PPP2R5C: variants seen among roughly 807,000 people sequenced by gnomAD.
PPP2R5C encodes serine/threonine-protein phosphatase 2A 56 kDa regulatory subunit gamma isoform.
A neutral mutation model predicts 68.9 loss-of-function variants in PPP2R5C; 7 were observed. That is an observed-to-expected ratio of 0.10 (90% confidence interval 0.06 to 0.19). The LOEUF (loss-of-function observed/expected upper bound fraction) is 0.19, where lower values mean the gene tolerates loss of function less well. Ranked by LOEUF, PPP2R5C falls within the 10% of genes least tolerant of loss-of-function variation. PPP2R5C has a pLI of 1.00. For missense variants in PPP2R5C, 348 were observed against 641.3 expected (o/e 0.54, Z 4.94); for synonymous variants, 210 against 222.2 (o/e 0.95, Z 0.49).
chr14:101,852,316 T>C (rs1476715072), intron 1 of PPP2R5C, among the ~76,000 whole-genome samples: 2 of 152,180 alleles, frequency 1.3e-5, no homozygotes, highest in African/African-American at 4.8e-5. Context: ...GGAGCATGTA[T>C]AAAGCTAGAC....
At chr14:101,761,517 TA>T (rs1167047920), upstream of PPP2R5C, among the ~76,000 whole-genome samples, 1 of 134,372 alleles carries the variant, frequency 7.4e-6, no homozygotes, top group Admixed American at 7.3e-5. Flanking sequence ...CGGGGAGCGT[TA>T]GGGTACGTGG....
intron 1 of PPP2R5C, among the ~76,000 whole-genome samples, chr14:101,833,263 G>A (rs906550219): frequency 3.3e-5 from 5 of 152,248 alleles, no homozygotes; most frequent in African/African-American, 9.6e-5. Flanking sequence ...GAGGTCACTG[G>A]TGCTGCTGTT....
chr14:101,890,764 CTTTTT>C (rs368348255), intron 6 of PPP2R5C, among the ~76,000 whole-genome samples: 1 of 115,354 alleles, frequency 8.7e-6, no homozygotes, highest in African/African-American at 3.5e-5. Context: ...TTTAGTTGCC[CTTTTT>C]TTTTTTTTTT....
intron 1 of PPP2R5C, chr14:101,836,366 C>G (rs2041101809): frequency 2.8e-6 from 2 of 702,344 alleles, no homozygotes; most frequent in African/African-American, 3.5e-5. Flanking sequence ...CTCCCCTGCC[C>G]TTCTGCCTCT....
chr14:101,920,429 C>G, intron 13 of PPP2R5C, among the ~76,000 whole-genome samples: 1 of 152,236 alleles, frequency 6.6e-6, no homozygotes, highest in East Asian at 1.9e-4. Context: ...TGTAGCATGT[C>G]TGCTTCCTTG....
At chr14:101,798,712 A>T (rs1332841299) in intron 3 of PPP2R5C, among the ~76,000 whole-genome samples, 1 of 152,162 alleles carries the variant, frequency 6.6e-6, no homozygotes, top group Non-Finnish European at 1.5e-5. Context: ...TGGGCTGTGG[A>T]AGGTATGCTA....
At chr14:101,819,144 G>A (rs2039893455) in intron 1 of PPP2R5C, 3 of 1,442,116 alleles carry the variant, frequency 2.1e-6, no homozygotes, top group Non-Finnish European at 2.9e-6. Flanking sequence ...TTCTGTACAT[G>A]TATAATTAGG....
At chr14:101,760,651 G>A, upstream of PPP2R5C, 1 of 941,332 alleles carries the variant, frequency 1.1e-6, no homozygotes, top group Non-Finnish European at 1.3e-6. Context: ...AAACTGCGGA[G>A]GGCGGGACCA....
At chr14:101,766,951 A>T (rs906698412) in intron 2 of PPP2R5C, 3 of 152,202 alleles carry the variant, frequency 2.0e-5, no homozygotes, top group African/African-American at 7.2e-5. Context: ...AAGTGTGTGT[A>T]CTGTGTCCAA....
chr14:101,878,210 A>C (rs768602241), intron 2 of PPP2R5C, among the ~76,000 whole-genome samples: 11 of 152,214 alleles, frequency 7.2e-5, no homozygotes, highest in Non-Finnish European at 1.2e-4. Context: ...TTCACCCTTC[A>C]TTATTTTCTC....
At chr14:101,821,440 G>GT (rs1566869921) in intron 1 of PPP2R5C, among the ~76,000 whole-genome samples, 162 of 132,100 alleles carry the variant, frequency 1.2e-3, no homozygotes, top group African/African-American at 4.0e-3. Context: ...CCCTGTGGGG[G>GT]GTGGGTGGGT....
chr14:101,825,594 G>C lies in PPP2R5C; in HGVS notation c.94+15558G>C, dbSNP rs1262177321. On this transcript the variant is annotated intron_variant, in intron 1 of 13. Transcript: ENST00000334743. The surrounding 1 kb of genome is among the most constrained non-coding windows in gnomAD (Gnocchi z 4.0). ...AGTCACCACTCCACCTCCTAGCCAGGGTGTCACTCCAATTCCATCATTCAG... is the reference window on the plus strand; with the variant it reads ...AGTCACCACTCCACCTCCTAGCCAGCGTGTCACTCCAATTCCATCATTCAG... Among the ~76,000 whole-genome samples the C allele has an allele frequency of 6.6e-6, 1 of 152,232 alleles. No homozygotes were observed. Among genetic ancestry groups the C allele is most frequent in the East Asian group, 1.9e-4 (1 of 5,186 alleles).
chr14:101,763,065 T>C (rs2036638113), intron 2 of PPP2R5C, 95 bp downstream of exon 2: 2 of 1,102,014 alleles, frequency 1.8e-6, no homozygotes, highest in Non-Finnish European at 2.6e-6. Flanking sequence ...TCTTCTAAAA[T>C]GTTTCCCTAT....
chr14:101,871,575 C>G (rs1218838507), intron 2 of PPP2R5C, among the ~76,000 whole-genome samples: 1 of 152,148 alleles, frequency 6.6e-6, no homozygotes, highest in Admixed American at 6.5e-5. Flanking sequence ...CAGACAATCC[C>G]TGTCTTTCAG....
At chr14:101,788,152 C>G (rs891625906) in intron 3 of PPP2R5C, among the ~76,000 whole-genome samples, 1 of 152,194 alleles carries the variant, frequency 6.6e-6, no homozygotes, top group Admixed American at 6.5e-5. Context: ...CCTTCATGTC[C>G]CAAGCCCTGC....
At chr14:101,840,095 C>T (rs890560925) in intron 1 of PPP2R5C, among the ~76,000 whole-genome samples, 2 of 152,214 alleles carry the variant, frequency 1.3e-5, no homozygotes, top group South Asian at 2.1e-4. Context: ...ATACACAGAG[C>T]GAAAGATTTC....
At chr14:101,890,154 G>A in intron 5 of PPP2R5C, 83 bp from the exon 8 acceptor site, 1 of 1,262,812 alleles carries the variant, frequency 7.9e-7, no homozygotes, top group Non-Finnish European at 1.1e-6. Context: ...TTGTTGCCTG[G>A]CTCCATGGCT....
chr14:101,784,138 G>A (rs751951944), intron 2 of PPP2R5C, among the ~76,000 whole-genome samples: 2 of 152,166 alleles, frequency 1.3e-5, no homozygotes, highest in Non-Finnish European at 2.9e-5. Flanking sequence ...CTGCTGTTCC[G>A]GGCAGTCTGT....
chr14:101,918,403 TCCCCCCTTGCCCCCTCACC>T (rs2046806450), intron 13 of PPP2R5C, among the ~76,000 whole-genome samples: 1 of 20,240 alleles, frequency 4.9e-5, no homozygotes, highest in African/African-American at 2.0e-4. Flanking sequence ...CCCTTGCCCC[TCCCCCCTTGCCCCCTCACC>T]CCCCTCGCCC....
Sources: gnomAD v4.1 joint callset for allele counts (sites outside exome capture counted in the v4.1 genomes callset) on GRCh38, gnomAD v4.1.1 for gene constraint, Gnocchi (gnomAD v3.1) non-coding constraint, MANE v1.5 for transcripts, NCBI Gene and HGNC (gene_info 2026-07-23, HGNC 2026-07-21) for gene names.